Variants in DPP10 observed in about 807,000 individuals in gnomAD.
DPP10 encodes the protein inactive dipeptidyl peptidase 10.
Under a neutral mutation model 120.9 loss-of-function variants are expected in DPP10, and 33 were observed. That is an observed-to-expected ratio of 0.27 (90% confidence interval 0.21 to 0.37). The LOEUF (loss-of-function observed/expected upper bound fraction) is 0.37. DPP10 is among the 10% of genes least tolerant of loss of function. The pLI is 1.00. For synonymous variants in DPP10, 337 were observed against 326.1 expected, an observed-to-expected ratio of 1.03 and a Z score of -0.36; for missense variants, 816 against 942.8, an observed-to-expected ratio of 0.87 and a Z score of 1.76.
intron 1 of DPP10, among the ~76,000 whole-genome samples, chr2:114,479,937 A>G (rs1558797256): frequency 6.6e-6 from 1 of 151,030 alleles, no homozygotes; most frequent in East Asian, 2.0e-4. Flanking sequence ...AACCTACAGA[A>G]TGGGAGAAAA....
At chr2:114,829,860 A>G (rs1434823667) in intron 1 of DPP10, among the ~76,000 whole-genome samples, 4 of 152,202 alleles carry the variant, frequency 2.6e-5, no homozygotes, top group African/African-American at 9.6e-5. Flanking sequence ...TTTCCTTAAA[A>G]GAACACCCAT....
chr2:115,570,719 G>A (rs986687497), intron 5 of DPP10, among the ~76,000 whole-genome samples: 1 of 152,192 alleles, frequency 6.6e-6, no homozygotes, highest in African/African-American at 2.4e-5. Context: ...AAGAACATAC[G>A]TAGGAATGCT....
intron 8 of DPP10, among the ~76,000 whole-genome samples, chr2:115,728,593 G>A (rs2149643150): frequency 6.6e-6 from 1 of 152,170 alleles, no homozygotes; most frequent in Non-Finnish European, 1.5e-5. Flanking sequence ...GCTGATTTTG[G>A]CAAAATATGT....
At chr2:115,527,916 G>A (rs766853007) in intron 5 of DPP10, among the ~76,000 whole-genome samples, 37 of 152,100 alleles carry the variant, frequency 2.4e-4, no homozygotes, top group South Asian at 2.1e-4. Flanking sequence ...CAGTTGGAAT[G>A]TATAATGGTA....
intron 1 of DPP10, among the ~76,000 whole-genome samples, chr2:114,942,922 T>A (rs987299797): frequency 2.0e-5 from 3 of 152,162 alleles, no homozygotes; most frequent in Non-Finnish European, 2.9e-5. Context: ...TATTATGCTT[T>A]AAGTTCTGGA....
At chr2:115,602,948 A>C (rs2083425194) in intron 5 of DPP10, among the ~76,000 whole-genome samples, 1 of 152,232 alleles carries the variant, frequency 6.6e-6, no homozygotes, top group African/African-American at 2.4e-5. Context: ...AAGTAAATTT[A>C]AGGGAACTGA....
At chr2:115,748,626 C>G (rs1678317110) in intron 10 of DPP10, among the ~76,000 whole-genome samples, 1 of 151,912 alleles carries the variant, frequency 6.6e-6, no homozygotes, top group African/African-American at 2.4e-5. Context: ...TTTTTTTGGT[C>G]TGTCTGATTG....
intron 1 of DPP10, among the ~76,000 whole-genome samples, chr2:114,587,767 T>A (rs912720435): frequency 6.6e-6 from 1 of 152,226 alleles, no homozygotes; most frequent in Non-Finnish European, 1.5e-5. Context: ...TTTTACACAT[T>A]TTTGATTCTA....
At chr2:115,277,912 T>G (rs1160374998) in intron 1 of DPP10, among the ~76,000 whole-genome samples, 1 of 152,214 alleles carries the variant, frequency 6.6e-6, no homozygotes. Flanking sequence ...AAAATTAGAA[T>G]TGGCAGACAT....
intron 3 of DPP10, among the ~76,000 whole-genome samples, chr2:115,423,001 A>G (rs1481721017): frequency 6.6e-6 from 1 of 152,146 alleles, no homozygotes; most frequent in African/African-American, 2.4e-5. Flanking sequence ...ACTGAAATAT[A>G]CTGTGAACCA....
chr2:115,053,502 C>T (rs928725205), intron 1 of DPP10, among the ~76,000 whole-genome samples: 2 of 152,164 alleles, frequency 1.3e-5, no homozygotes, highest in African/African-American at 4.8e-5. Context: ...AATGGATTTT[C>T]TTCCAAGAGT....
chr2:115,625,592 T>C (rs940842707), intron 5 of DPP10, among the ~76,000 whole-genome samples: 4 of 152,136 alleles, frequency 2.6e-5, no homozygotes, highest in African/African-American at 7.2e-5. Flanking sequence ...GCCATGTAGT[T>C]TGGAAAATCA....
chr2:115,334,950 C>T (rs1200316555), intron 2 of DPP10, among the ~76,000 whole-genome samples: 1 of 149,378 alleles, frequency 6.7e-6, no homozygotes, highest in African/African-American at 2.5e-5. Context: ...TGTATTAGTT[C>T]ATTTTCACGC....
At chr2:115,411,024 T>C (rs1382033664) in intron 3 of DPP10, among the ~76,000 whole-genome samples, 2 of 152,018 alleles carry the variant, frequency 1.3e-5, no homozygotes, top group African/African-American at 2.4e-5. Flanking sequence ...AAAATAAATA[T>C]ACATAGAAAA....
chr2:115,025,479 C>G (rs1703394054), intron 1 of DPP10, among the ~76,000 whole-genome samples: 1 of 152,010 alleles, frequency 6.6e-6, no homozygotes, highest in Non-Finnish European at 1.5e-5. Context: ...ACAGGTATCT[C>G]TTTGATAGAT....
intron 1 of DPP10, among the ~76,000 whole-genome samples, chr2:115,031,628 T>G (rs927586342): frequency 4.6e-5 from 7 of 152,168 alleles, no homozygotes; most frequent in Non-Finnish European, 1.0e-4. Context: ...CTAAGGAATT[T>G]TTCTGTTTAT....
At chr2:114,537,388 A>C (rs990311666) in intron 1 of DPP10, among the ~76,000 whole-genome samples, 2 of 152,190 alleles carry the variant, frequency 1.3e-5, no homozygotes, top group Non-Finnish European at 2.9e-5. Context: ...AGAAAAAAAA[A>C]CAGTTGTTCT....
At chr2:115,058,000 T>A (rs897392337) in intron 1 of DPP10, among the ~76,000 whole-genome samples, 1 of 152,170 alleles carries the variant, frequency 6.6e-6, no homozygotes, top group Non-Finnish European at 1.5e-5. Flanking sequence ...GAACTAAGAA[T>A]GCTTTGAGGG....
intron 3 of DPP10, among the ~76,000 whole-genome samples, chr2:115,377,418 A>G (rs1394320535): frequency 2.6e-5 from 4 of 151,954 alleles, no homozygotes; most frequent in African/African-American, 9.7e-5. Flanking sequence ...TTTCTTGTAA[A>G]TTTGTTTAAG....
Sources: gnomAD v4.1 joint callset for allele counts (sites outside exome capture counted in the v4.1 genomes callset) on GRCh38, gnomAD v4.1.1 for gene constraint, MANE v1.5 for transcripts, NCBI Gene and HGNC (gene_info 2026-07-23, HGNC 2026-07-21) for gene names.